CNTNAP2: variants seen among roughly 807,000 people sequenced by gnomAD.
CNTNAP2 encodes contactin associated protein 2, also known as contactin-associated protein-like 2.
Under a neutral mutation model 155.2 loss-of-function variants are expected in CNTNAP2, and 98 were observed. That is an observed-to-expected ratio of 0.63 (90% CI 0.54 to 0.75). The LOEUF (loss-of-function observed/expected upper bound fraction) is 0.75. Among genes scored for constraint, CNTNAP2 ranks in the 30% least tolerant of loss-of-function variants. The probability of loss-of-function intolerance (pLI) is 0.00; values close to 1 mark genes in which losing one functional copy is unlikely to be tolerated. For synonymous variants in CNTNAP2, 651 were observed against 631.2 expected, an observed-to-expected ratio of 1.03 and a Z score of -0.47; for missense variants, 1,727 against 1,688.1, an observed-to-expected ratio of 1.02 and a Z score of -0.40.
At chr7:146,714,857 G>T (rs574179927) in intron 1 of CNTNAP2, among the ~76,000 whole-genome samples, 17 of 152,262 alleles carry the variant, frequency 1.1e-4, no homozygotes, top group Admixed American at 8.5e-4. Flanking sequence ...GTCCAGTGAC[G>T]TTCTGGGCCC....
intron 2 of CNTNAP2, among the ~76,000 whole-genome samples, chr7:146,804,566 T>C (rs2129192300): frequency 6.6e-6 from 1 of 152,306 alleles, no homozygotes; most frequent in Non-Finnish European, 1.5e-5. Flanking sequence ...GAGATGTTAG[T>C]CCTATCACAT....
chr7:148,139,828 C>T (rs778615520), intron 16 of CNTNAP2, among the ~76,000 whole-genome samples: 15 of 152,178 alleles, frequency 9.9e-5, no homozygotes, highest in Admixed American at 2.6e-4. Flanking sequence ...CATGAGCCAT[C>T]GTGCTCAGCC....
chr7:147,294,027 C>A (rs540575772), intron 8 of CNTNAP2, among the ~76,000 whole-genome samples: 2 of 152,056 alleles, frequency 1.3e-5, no homozygotes, highest in South Asian at 4.1e-4. Flanking sequence ...TTTATCATTA[C>A]GAATTATAAC....
chr7:146,819,440 G>T (rs1024478896), intron 2 of CNTNAP2, among the ~76,000 whole-genome samples: 1 of 152,038 alleles, frequency 6.6e-6, no homozygotes, highest in African/African-American at 2.4e-5. Context: ...CTACCACAAT[G>T]CCACACACTC....
chr7:147,587,579 T>C (rs1252754022), intron 12 of CNTNAP2, among the ~76,000 whole-genome samples: 1 of 152,204 alleles, frequency 6.6e-6, no homozygotes, highest in Admixed American at 6.5e-5. Context: ...CTGCTGAACG[T>C]CATGCTTATA....
intron 14 of CNTNAP2, among the ~76,000 whole-genome samples, chr7:147,953,329 A>T (rs1047047756): frequency 6.6e-6 from 1 of 152,204 alleles, no homozygotes; most frequent in Non-Finnish European, 1.5e-5. Context: ...AAGCTCATGT[A>T]GTCAAATAGT....
intron 10 of CNTNAP2, among the ~76,000 whole-genome samples, chr7:147,467,594 C>T (rs573652431): frequency 2.6e-5 from 4 of 152,216 alleles, no homozygotes; most frequent in South Asian, 2.1e-4. Flanking sequence ...ACCATTTGGG[C>T]GACGGATACA....
At chr7:146,910,765 A>T (rs1451349686) in intron 3 of CNTNAP2, among the ~76,000 whole-genome samples, 2 of 148,890 alleles carry the variant, frequency 1.3e-5, no homozygotes, top group African/African-American at 5.0e-5. Context: ...CATGTCTAAA[A>T]CACCAAAAGC....
At chr7:146,745,213 T>G (rs1425622703) in intron 1 of CNTNAP2, among the ~76,000 whole-genome samples, 2 of 152,128 alleles carry the variant, frequency 1.3e-5, no homozygotes, top group Non-Finnish European at 2.9e-5. Flanking sequence ...GGATTTAAGT[T>G]TTTTCACTTT....
At chr7:146,878,239 T>C (rs1306528364) in intron 3 of CNTNAP2, among the ~76,000 whole-genome samples, 1 of 152,172 alleles carries the variant, frequency 6.6e-6, no homozygotes, top group Non-Finnish European at 1.5e-5. Context: ...GTCAGTGACA[T>C]TAATTGACTT....
At chr7:146,445,646 G>A (rs1639455) in intron 1 of CNTNAP2, among the ~76,000 whole-genome samples, 9 of 152,136 alleles carry the variant, frequency 5.9e-5, no homozygotes, top group Middle Eastern at 3.4e-3. Flanking sequence ...TTATGTGCTT[G>A]CATTATCAAG....
intron 1 of CNTNAP2, among the ~76,000 whole-genome samples, chr7:146,767,993 C>T (rs1023706954): frequency 2.0e-5 from 3 of 152,106 alleles, no homozygotes; most frequent in Admixed American, 6.6e-5. Flanking sequence ...TTAAGTTAAA[C>T]TTGACCCTCA....
At chr7:146,128,406 A>C (rs907070913) in intron 1 of CNTNAP2, among the ~76,000 whole-genome samples, 2 of 152,162 alleles carry the variant, frequency 1.3e-5, no homozygotes, top group African/African-American at 4.8e-5. Context: ...CCTTGCATTG[A>C]TACAGATTTA....
intron 1 of CNTNAP2, among the ~76,000 whole-genome samples, chr7:146,190,883 T>G (rs1459948558): frequency 6.6e-6 from 1 of 152,146 alleles, no homozygotes; most frequent in Non-Finnish European, 1.5e-5. Flanking sequence ...TCATTCATGT[T>G]TTCCCTAAAA....
At chr7:148,116,528 G>GA (rs1804477215) in intron 15 of CNTNAP2, among the ~76,000 whole-genome samples, 1 of 152,138 alleles carries the variant, frequency 6.6e-6, no homozygotes, top group South Asian at 2.1e-4. Flanking sequence ...CCCAATTCAC[G>GA]AATCACTGAA....
intron 15 of CNTNAP2, among the ~76,000 whole-genome samples, chr7:148,063,950 C>T (rs956225102): frequency 1.2e-4 from 19 of 152,092 alleles, no homozygotes; most frequent in African/African-American, 4.3e-4. Flanking sequence ...TTGCATGTTG[C>T]TTGCCAATCA....
At chr7:146,968,563 A>G (rs2129232544) in intron 3 of CNTNAP2, among the ~76,000 whole-genome samples, 1 of 152,168 alleles carries the variant, frequency 6.6e-6, no homozygotes, top group East Asian at 1.9e-4. Flanking sequence ...CGAGGAATTT[A>G]TCCATTTCTT....
chr7:146,594,158 A>G (rs143929438), intron 1 of CNTNAP2, among the ~76,000 whole-genome samples: 22 of 152,160 alleles, frequency 1.4e-4, no homozygotes, highest in African/African-American at 4.8e-5. Flanking sequence ...CCCCTCATTC[A>G]TGCTGTATCA....
intron 1 of CNTNAP2, among the ~76,000 whole-genome samples, chr7:146,509,033 G>T (rs1797428086): frequency 1.3e-5 from 2 of 152,202 alleles, no homozygotes; most frequent in South Asian, 4.1e-4. Flanking sequence ...CAGATTGACA[G>T]TGGCCAGGGA....
Sources: gnomAD v4.1 joint callset for allele counts (sites outside exome capture counted in the v4.1 genomes callset) on GRCh38, gnomAD v4.1.1 for gene constraint, MANE v1.5 for transcripts, NCBI Gene and HGNC (gene_info 2026-07-23, HGNC 2026-07-21) for gene names.